The following FAF2 variants were observed in gnomAD, a reference collection of about 807,000 sequenced individuals.
The protein encoded by FAF2 is FAS-associated factor 2.
FAF2 carries 9 observed loss-of-function variants against 62.3 expected under a neutral mutation model. The observed-to-expected ratio is 0.14, with a 90% CI of 0.09 to 0.25. FAF2 has a LOEUF of 0.25. Ranked by LOEUF, FAF2 falls within the 10% of genes least tolerant of loss-of-function variation. The probability of loss-of-function intolerance (pLI) is 1.00; values close to 1 mark genes in which losing one functional copy is unlikely to be tolerated. For synonymous variants in FAF2, 202 were observed against 198.0 expected (o/e 1.02, Z -0.17); for missense variants, 368 against 556.2 (o/e 0.66, Z 3.40).
In FAF2 at chr5:176,498,917, A is replaced by G; in HGVS notation, c.843A>G (p.Glu281=). The G allele has an allele frequency of 6.3e-7, 1 of 1,590,610 alleles. No individual in the cohort carries two copies. The highest frequency in any genetic ancestry group is 8.6e-7 in the Non-Finnish European group (1 of 1,168,876). ...CTTGCTTTTGATCTATTCACAGGGA[A>G]GAAAGAAACCAGACCCAAGTGCTGA... The part of the protein sequence containing the change: ...TYLVSERLER[E]ERNQTQVLRQ... Residue 281 remains glutamate (E), a synonymous_variant, in exon 9 of 11, where the codon GAA becomes GAG. Coordinates refer to ENST00000261942, the MANE Select transcript of FAF2 (RefSeq NM_014613.3).
intron 3 of FAF2, among the ~76,000 whole-genome samples, chr5:176,487,663 T>G (rs946642037): frequency 6.6e-6 from 1 of 152,154 alleles, no homozygotes; most frequent in Non-Finnish European, 1.5e-5. Context: ...CCTGGATGTA[T>G]GCTAGTTTTA....
At chr5:176,475,120 A>G (rs1485006981) in intron 1 of FAF2, among the ~76,000 whole-genome samples, 2 of 151,562 alleles carry the variant, frequency 1.3e-5, no homozygotes, top group East Asian at 2.0e-4. Flanking sequence ...TGCAATGTTT[A>G]TAACCATTTA....
chr5:176,488,168 G>A (rs949241643), intron 3 of FAF2, among the ~76,000 whole-genome samples: 1 of 152,118 alleles, frequency 6.6e-6, no homozygotes, highest in African/African-American at 2.4e-5. Context: ...AGTAGAGACA[G>A]GGTTTTACCA....
At chr5:176,501,019 C>T (rs1247805125) in intron 10 of FAF2, among the ~76,000 whole-genome samples, 7 of 151,840 alleles carry the variant, frequency 4.6e-5, no homozygotes, top group Non-Finnish European at 7.4e-5. Flanking sequence ...CCCAGCTACT[C>T]GGGAGGCTGA....
intron 1 of FAF2, among the ~76,000 whole-genome samples, chr5:176,476,804 ATT>A (rs749952460): frequency 4.3e-5 from 4 of 92,870 alleles, no homozygotes; most frequent in African/African-American, 4.9e-5. Flanking sequence ...TGCTGAACTA[ATT>A]TTTTTTTTTT....
rs1272118313 is a variant in FAF2, at chr5:176,508,434, T to G, written c.*1484T>G. 6.6e-6 allele frequency: 1 copy of G among 152,196 alleles called. No individual in the cohort carries two copies. Among genetic ancestry groups the G allele is most frequent in the Non-Finnish European group, 1.5e-5 (1 of 68,044 alleles). 9.4% of individuals were successfully genotyped at this position (152,196 alleles called of 1,614,324 possible). A position where few individuals can be genotyped will look rare whatever the true frequency, so the allele number is the denominator to read the frequency against. The stretch of plus-strand genomic sequence containing the variant: ...CATAAAGCCTAACTTGCTGGAGTTG[T>G]AGTCTCAAGGCTTTCTCTCTTGCTT... On this transcript the variant is annotated 3_prime_UTR_variant, in exon 11 of 11. Transcript: ENST00000261942.
chr5:176,504,090 G>C (rs964889161), intron 10 of FAF2, among the ~76,000 whole-genome samples: 1 of 152,010 alleles, frequency 6.6e-6, no homozygotes, highest in African/African-American at 2.4e-5. Flanking sequence ...CTGGGCGACA[G>C]AGTGAGACTC....
In FAF2 at chr5:176,507,456, A is replaced by G. The variant is rs1755705505; in HGVS notation, c.*506A>G. On this transcript the variant is annotated 3_prime_UTR_variant, in exon 11 of 11. Transcript: ENST00000261942. Reference sequence around the variant, plus strand: ...AGAGATGTTCCTTGAACTGCCCACAAGTTTTCAATAACTTTTATTTCTGTT... The same window carrying G: ...AGAGATGTTCCTTGAACTGCCCACAGGTTTTCAATAACTTTTATTTCTGTT... The G allele has an allele frequency of 1.0e-5, 3 of 299,722 alleles. No homozygotes were observed. Among genetic ancestry groups the G allele is most frequent in the Non-Finnish European group, 2.0e-5 (3 of 147,934 alleles). The allele number at this position is 299,722 out of a possible 1,614,324, so 18.6% of individuals were successfully genotyped here. A position where few individuals can be genotyped will look rare whatever the true frequency, so the allele number is the denominator to read the frequency against.
At chr5:176,488,761 T>G (rs1460571704) in intron 3 of FAF2, among the ~76,000 whole-genome samples, 190 bp from the exon 4 acceptor site, 1 of 151,222 alleles carries the variant, frequency 6.6e-6, no homozygotes, top group Non-Finnish European at 1.5e-5. Flanking sequence ...CAAAAAAAAA[T>G]GATAGTAAGA....
intron 1 of FAF2, among the ~76,000 whole-genome samples, chr5:176,469,956 T>A (rs1462784920): frequency 6.6e-6 from 1 of 152,084 alleles, no homozygotes; most frequent in Non-Finnish European, 1.5e-5. Flanking sequence ...GACTTGTATG[T>A]AGTGATGTGA....
Position 176,451,817 on chromosome 5 carries a change from T to TATATATATACATATATATATATACACAC in FAF2, c.63+3356_63+3357insCATATATATATATACACACATATATATA, listed in dbSNP as rs1561813426. Reference sequence around the variant, plus strand: ...ATATATACATATATATATACACACATATATATATATACATATATATATATA... The same window carrying TATATATATACATATATATATATACACAC: ...ATATATACATATATATATACACACATATATATATACATATATATATATACACACATATATATATACATATATATATATA... On this transcript the variant is annotated intron_variant, in intron 1 of 10. Coordinates refer to ENST00000261942, the MANE Select transcript of FAF2 (RefSeq NM_014613.3). Among the ~76,000 whole-genome samples the TATATATATACATATATATATATACACAC allele has an allele frequency of 2.6e-4, 2 of 7,670 alleles. 1 individual carries two copies. The highest frequency in any genetic ancestry group is 6.2e-4 in the Non-Finnish European group (2 of 3,248). 5.0% of individuals were successfully genotyped at this position (7,670 alleles called of 152,430 possible). A position where few individuals can be genotyped will look rare whatever the true frequency, so the allele number is the denominator to read the frequency against.
Position 176,506,808 on chromosome 5 carries a change from A to G in FAF2, c.1196A>G (p.Glu399Gly). The G allele has an allele frequency of 6.2e-7, 1 of 1,614,014 alleles. No individual in the cohort carries two copies. The highest frequency in any genetic ancestry group is 8.5e-7 in the Non-Finnish European group (1 of 1,179,964). ...TTATTCTCCTTGAAGGAAAGCCCAG[A>G]AAAGTTTCAGATTGAAGCCAATTTT... Reference protein sequence around the residue: ...DFLFSLKESPEKFQIEANFPR... With the variant: ...DFLFSLKESPGKFQIEANFPR... Residue 399 changes from glutamate (E) to glycine (G), a missense_variant, in exon 11 of 11, where the codon GAA becomes GGA. Physicochemically the swap from Glu to Gly is moderately conservative, Grantham distance 98. This residue lies in a region of FAF2 where 37 missense variants were observed against 114.3 expected (regional missense o/e 0.32). Coordinates refer to ENST00000261942, the MANE Select transcript of FAF2 (RefSeq NM_014613.3).
Position 176,509,797 on chromosome 5 carries a change from ATGAC to A in FAF2, c.*2851_*2854del, listed in dbSNP as rs1195070171. On this transcript the variant is annotated 3_prime_UTR_variant, in exon 11 of 11. Transcript: ENST00000261942. Reference sequence around the variant, plus strand: ...AAGGCCAAGCAAAGAGTTTCAGAAAATGACTGAGAAGGAGCGATAACCCCCAGAA... The same window carrying A: ...AAGGCCAAGCAAAGAGTTTCAGAAAATGAGAAGGAGCGATAACCCCCAGAA... The A allele has an allele frequency of 1.3e-5, 2 of 152,656 alleles. No individual in the cohort carries two copies. The highest frequency in any genetic ancestry group is 2.4e-5 in the African/African-American group (1 of 41,474). 9.5% of individuals were successfully genotyped at this position (152,656 alleles called of 1,614,324 possible). A position where few individuals can be genotyped will look rare whatever the true frequency, so the allele number is the denominator to read the frequency against.
At chr5:176,483,395 A>G (rs1210226847) in intron 2 of FAF2, among the ~76,000 whole-genome samples, 1 of 152,096 alleles carries the variant, frequency 6.6e-6, no homozygotes, top group Non-Finnish European at 1.5e-5. Flanking sequence ...CAGCTTTTAC[A>G]TTTAGGTTTT....
intron 1 of FAF2, among the ~76,000 whole-genome samples, chr5:176,461,424 C>T (rs1189531003): frequency 2.8e-5 from 4 of 145,334 alleles, no homozygotes; most frequent in Admixed American, 2.2e-4. Context: ...CTCAAGTGAT[C>T]CTACCACTTC....
In FAF2 at chr5:176,486,271, A is replaced by G. The variant is rs536814410; in HGVS notation, c.133-84A>G. On this transcript the variant is annotated intron_variant, in intron 2 of 10. Coordinates refer to ENST00000261942, the MANE Select transcript of FAF2 (RefSeq NM_014613.3). ...GTATTCATGACCATCCTGTTTTGGA[A>G]TACCACGCAATAGTTGCCTCACCTC... The G allele has an allele frequency of 1.1e-3, 1,746 of 1,550,088 alleles. 12 individuals carry two copies. Among genetic ancestry groups the G allele is most frequent in the South Asian group, 6.5e-3 (541 of 83,502 alleles).
At position 176,494,785 on chromosome 5, in the gene FAF2, G is replaced by A. The variant is rs2113743072; in HGVS notation, c.661+510G>A. 6.6e-6 allele frequency among the ~76,000 whole-genome samples: 1 copy of A among 152,206 alleles called. No individual in the cohort carries two copies. The highest frequency in any genetic ancestry group is 1.9e-4 in the East Asian group (1 of 5,190). ...TAGCCTCAAACTCCTGGACTCAAGT[G>A]AGCAGCCCACCTCAGCCTCCCAAAG... On this transcript the variant is annotated intron_variant, in intron 7 of 10. Transcript: ENST00000261942. This position sits in a 1 kb window ranked among gnomAD's most constrained non-coding sequence, Gnocchi z 4.0.
At position 176,503,642 on chromosome 5, in the gene FAF2, A is replaced by G. The variant is rs553325986; in HGVS notation, c.1156-3126A>G. On this transcript the variant is annotated intron_variant, in intron 10 of 10. Transcript: ENST00000261942. ...CTCCAGGAGTGACAGATTTGTAGGT[A>G]ATGCTCAGCTCTGGAAAGTGGTGCA... 9.2e-5 allele frequency among the ~76,000 whole-genome samples: 14 copies of G among 152,246 alleles called. 1 individual carries two copies. In the South Asian group the frequency reaches 2.5e-3, roughly 27 times the overall value.
intron 1 of FAF2, among the ~76,000 whole-genome samples, chr5:176,467,081 C>T (rs1758481067): frequency 6.7e-6 from 1 of 148,936 alleles, no homozygotes; most frequent in Admixed American, 6.7e-5. Context: ...GGATTTTTCT[C>T]AGTAAGACAG....
Sources: allele counts gnomAD v4.1 joint callset (sites outside exome capture counted in the v4.1 genomes callset), GRCh38; gene constraint gnomAD v4.1.1; regional missense constraint gnomAD v4.1.1; non-coding constraint Gnocchi (gnomAD v3.1); transcripts MANE v1.5; gene names NCBI Gene and HGNC (gene_info 2026-07-23, HGNC 2026-07-21).